SKI: variants seen among roughly 807,000 people sequenced by gnomAD.
The protein encoded by SKI is SKI proto-oncogene.
Under a neutral mutation model 59.3 loss-of-function variants are expected in SKI, and 23 were observed. The ratio of observed to expected loss-of-function variants is 0.39; its 90% CI spans 0.28 to 0.55. The LOEUF is 0.55. Among genes scored for constraint, SKI ranks in the 20% least tolerant of loss-of-function variants. The probability of loss-of-function intolerance (pLI) is 0.67; values close to 1 mark genes in which losing one functional copy is unlikely to be tolerated. For missense variants in SKI, 1,017 were observed against 1,038.9 expected (o/e 0.98, Z 0.29); for synonymous variants, 673 against 488.6 (o/e 1.38, Z -4.98).
In SKI at chr1:2,268,352, C is replaced by T. The variant is rs534908591; in HGVS notation, c.970-34626C>T. On this transcript the variant is annotated intron_variant, in intron 1 of 6. Coordinates refer to ENST00000378536, the MANE Select transcript of SKI (RefSeq NM_003036.4). The surrounding 1 kb of genome is among the most constrained non-coding windows in gnomAD (Gnocchi z 5.0). ...GTGGGCTGAACCCTGCACCCTGGCC[C>T]GGGTGTGGGGTCCTGGTGCTCTGTG... Among the ~76,000 whole-genome samples the T allele has an allele frequency of 2.8e-4, 43 of 152,280 alleles. 1 individual carries two copies. The South Asian group carries it at 8.7e-3, about 31-fold the overall frequency.
At chr1:2,284,050 C>G (rs1192712601) in intron 1 of SKI, among the ~76,000 whole-genome samples, 2 of 152,156 alleles carry the variant, frequency 1.3e-5, no homozygotes, top group African/African-American at 4.8e-5. Context: ...CCCTCCCCAA[C>G]TCATGGAGAC....
At chr1:2,249,388 G>GAGACAAT (rs1385333033) in intron 1 of SKI, among the ~76,000 whole-genome samples, 1 of 152,238 alleles carries the variant, frequency 6.6e-6, no homozygotes, top group Non-Finnish European at 1.5e-5. Flanking sequence ...CTGGCAATGG[G>GAGACAAT]AGACAATTGT....
chr1:2,306,548 G>T, intron 6 of SKI, 29 bp from the exon 7 acceptor site: 2 of 1,534,064 alleles, frequency 1.3e-6, no homozygotes, highest in Non-Finnish European at 1.8e-6. Context: ...CAGCGAGCAG[G>T]CGCCGCTGAC....
chr1:2,293,986 A>C (rs1176861287), intron 1 of SKI, among the ~76,000 whole-genome samples: 1 of 152,032 alleles, frequency 6.6e-6, no homozygotes, highest in Admixed American at 6.5e-5. Context: ...TTCTCCTTTC[A>C]TCTGTGGCCT....
At position 2,304,378 on chromosome 1, in the gene SKI, C is replaced by A. The variant is rs1347174676; in HGVS notation, c.1560C>A (p.Ala520=). The A allele has an allele frequency of 6.4e-7, 1 of 1,551,954 alleles. No homozygotes were observed. The highest frequency in any genetic ancestry group is 8.7e-7 in the Non-Finnish European group (1 of 1,147,368). Residue 520 remains alanine (A), a synonymous_variant, in exon 5 of 7, where the codon GCC becomes GCA. Coordinates refer to ENST00000378536, the MANE Select transcript of SKI (RefSeq NM_003036.4). ...AKDLGSPGAR[A]LPSAVPDAAA... ...ACCTGGGCTCCCCGGGTGCGCGTGC[C>A]CTGCCCTCGGCCGTCCCTGATGCTG...
At chr1:2,238,286 C>T (rs1023569740) in intron 1 of SKI, among the ~76,000 whole-genome samples, 5 of 152,220 alleles carry the variant, frequency 3.3e-5, no homozygotes, top group African/African-American at 9.6e-5. Context: ...TCCAGCTGCC[C>T]GTGGCCCTCT....
chr1:2,286,678 T>C (rs972189481), intron 1 of SKI, among the ~76,000 whole-genome samples: 1 of 152,222 alleles, frequency 6.6e-6, no homozygotes, highest in African/African-American at 2.4e-5. Flanking sequence ...CTCACCCATG[T>C]GGCCACGCAG....
chr1:2,306,782 C>CGCAGCGCCGCCG lies in SKI; in HGVS notation c.*18_*29dup, dbSNP rs1553201599. 5 of 1,484,832 alleles carry CGCAGCGCCGCCG rather than the reference C, an allele frequency of 3.4e-6. No homozygotes were observed. In the African/African-American group the frequency reaches 7.4e-5, roughly 22 times the overall value. 92.0% of individuals were successfully genotyped at this position (1,484,832 alleles called of 1,614,324 possible). On this transcript the variant is annotated 3_prime_UTR_variant, in exon 7 of 7. Transcript: ENST00000378536. ...GAGCCGTAGATTCCGTGCCTGCCGC[C>CGCAGCGCCGCCG]GCAGCGCCGCCGACAACGCGGGTGC...
At chr1:2,292,201 C>T (rs1640176224) in intron 1 of SKI, among the ~76,000 whole-genome samples, 1 of 152,196 alleles carries the variant, frequency 6.6e-6, no homozygotes. Context: ...GGAGAGGAGT[C>T]CCCACGCCTC....
Position 2,303,044 on chromosome 1 carries a change from C to T in SKI, c.1036C>T (p.Pro346Ser), listed in dbSNP as rs376881638. 5 of 1,613,602 alleles carry T rather than the reference C, an allele frequency of 3.1e-6. No individual in the cohort carries two copies. In the African/African-American group the frequency reaches 6.7e-5, roughly 22 times the overall value. The part of the protein sequence containing the change: ...TDDTSSQSPA[P>S]SEKDKPSSWL... ...TGACACCTCTTCCCAGTCCCCCGCGCCTTCCGAAAAGGACAAGCCGTCCAG... is the reference window on the plus strand; with the variant it reads ...TGACACCTCTTCCCAGTCCCCCGCGTCTTCCGAAAAGGACAAGCCGTCCAG... The change falls in exon 2 of 7, where the codon CCT becomes TCT. Residue 346 changes from proline (P) to serine (S), a missense_variant. Coordinates refer to ENST00000378536, the MANE Select transcript of SKI (RefSeq NM_003036.4). This position sits in a 1 kb window ranked among gnomAD's most constrained non-coding sequence, Gnocchi z 5.6.
chr1:2,271,143 T>A (rs1382784922), intron 1 of SKI, among the ~76,000 whole-genome samples: 1 of 151,960 alleles, frequency 6.6e-6, no homozygotes, highest in Non-Finnish European at 1.5e-5. Flanking sequence ...CTGGGCTCCT[T>A]TGTGATTGGC....
rs1434879397 is a variant in SKI, at chr1:2,305,993, T to C, written c.1768-27T>C. The C allele has an allele frequency of 4.6e-6, 7 of 1,527,564 alleles. No individual in the cohort carries two copies. The East Asian group carries it at 1.5e-4, about 32-fold the overall frequency. The allele number at this position is 1,527,564 out of a possible 1,614,324, so 94.6% of individuals were successfully genotyped here. ...GGGTGTGCTGGGACCGGCTGGGCAG[T>C]GACCCCGAGCCGCCTCCGGCCCCCA... On this transcript the variant is annotated intron_variant, in intron 5 of 6. Transcript: ENST00000378536.
intron 1 of SKI, among the ~76,000 whole-genome samples, chr1:2,235,516 C>T (rs540182588): frequency 3.3e-5 from 5 of 152,322 alleles, no homozygotes; most frequent in African/African-American, 1.2e-4. Context: ...GCATGATAAG[C>T]GATAGCTCTT....
At chr1:2,256,503 C>T (rs1037598850) in intron 1 of SKI, among the ~76,000 whole-genome samples, 4 of 152,328 alleles carry the variant, frequency 2.6e-5, no homozygotes, top group African/African-American at 7.2e-5. Context: ...ACCTGCCCGC[C>T]CTGGGTATTT....
intron 1 of SKI, among the ~76,000 whole-genome samples, chr1:2,244,495 G>T (rs1375003387): frequency 6.6e-6 from 1 of 152,158 alleles, no homozygotes; most frequent in South Asian, 2.1e-4. Context: ...CTGGAGAATA[G>T]CTTGAACCTG....
chr1:2,291,274 C>T (rs1466585926), intron 1 of SKI, among the ~76,000 whole-genome samples: 2 of 152,260 alleles, frequency 1.3e-5, no homozygotes, highest in African/African-American at 2.4e-5. Context: ...GGCTAATTTT[C>T]GGATTCCGAA....
intron 1 of SKI, among the ~76,000 whole-genome samples, chr1:2,288,131 G>A (rs899166518): frequency 6.6e-6 from 1 of 152,204 alleles, no homozygotes; most frequent in African/African-American, 2.4e-5. Context: ...TGGGATCACA[G>A]GCGTGTGCCA....
Position 2,306,874 on chromosome 1 carries a change from C to G in SKI, c.*109C>G. The G allele has an allele frequency of 2.8e-6, 2 of 718,784 alleles. No individual in the cohort carries two copies. Among genetic ancestry groups the G allele is most frequent in the South Asian group, 6.4e-5 (2 of 31,230 alleles). 44.5% of individuals were successfully genotyped at this position (718,784 alleles called of 1,614,324 possible). On this transcript the variant is annotated 3_prime_UTR_variant, in exon 7 of 7. Transcript: ENST00000378536. The stretch of plus-strand genomic sequence containing the variant: ...CCCTGCAGCCCACACAGCACAACGT[C>G]TTACCGTGCCTATTACCAAGCGAGT...
chr1:2,229,873 G>C lies in SKI; in HGVS notation c.969+138G>C. On this transcript the variant is annotated intron_variant, in intron 1 of 6. Transcript: ENST00000378536. The surrounding 1 kb of genome is among the most constrained non-coding windows in gnomAD (Gnocchi z 6.3). ...TGTCTCCAGTCTTCGCTTTGTTTTAGGGAAATTCAGAGTGTTCCGACTGGC... is the reference window on the plus strand; with the variant it reads ...TGTCTCCAGTCTTCGCTTTGTTTTACGGAAATTCAGAGTGTTCCGACTGGC... 5 of 1,466,712 alleles carry C rather than the reference G, an allele frequency of 3.4e-6. No individual in the cohort carries two copies. The East Asian group carries it at 1.2e-4, about 36-fold the overall frequency. The allele number at this position is 1,466,712 out of a possible 1,614,324, so 90.9% of individuals were successfully genotyped here. A position where few individuals can be genotyped will look rare whatever the true frequency, so the allele number is the denominator to read the frequency against.
Sources: allele counts gnomAD v4.1 joint callset (sites outside exome capture counted in the v4.1 genomes callset), GRCh38; gene constraint gnomAD v4.1.1; non-coding constraint Gnocchi (gnomAD v3.1); transcripts MANE v1.5; gene names NCBI Gene and HGNC (gene_info 2026-07-23, HGNC 2026-07-21).